MIGA1: variants seen among roughly 807,000 people sequenced by gnomAD.
MIGA1 encodes the protein mitoguardin 1, also known as family with sequence similarity 73, member A.
In MIGA1, 58 loss-of-function variants were observed where a neutral mutation model predicts 82.0. The ratio of observed to expected loss-of-function variants is 0.71; its 90% CI spans 0.57 to 0.88. The LOEUF is 0.88. MIGA1 is among the 40% of genes least tolerant of loss of function. MIGA1 has a pLI of 0.00. For missense variants in MIGA1, 751 were observed against 749.1 expected, an observed-to-expected ratio of 1.00 and a Z score of -0.03; for synonymous variants, 249 against 253.6, an observed-to-expected ratio of 0.98 and a Z score of 0.17.
At chr1:77,785,954 C>T (rs1338202885) in intron 2 of MIGA1, among the ~76,000 whole-genome samples, 2 of 152,230 alleles carry the variant, frequency 1.3e-5, no homozygotes, top group East Asian at 3.8e-4. Context: ...TCCATGTTTC[C>T]CTTCTGTACT....
intron 2 of MIGA1, among the ~76,000 whole-genome samples, chr1:77,787,807 ACTTTT>A (rs1239977230): frequency 1.3e-5 from 2 of 149,820 alleles, no homozygotes; most frequent in Non-Finnish European, 3.0e-5. Flanking sequence ...TCTGTGAATT[ACTTTT>A]CTTTTCTTTT....
chr1:77,813,845 C>G lies in MIGA1; in HGVS notation c.749C>G (p.Ala250Gly). ...TCCATTAAACTGGGTGCAGGAGATG[C>G]CATTGCTGAAGAAAATGTAGATGTA... Residue 250 changes from alanine (A) to glycine (G), a missense_variant, in exon 6 of 16, where the codon GCC becomes GGC. Transcript: ENST00000370791. 1 of 1,614,050 alleles carries G rather than the reference C, an allele frequency of 6.2e-7. No homozygotes were observed. Among genetic ancestry groups the G allele is most frequent in the Middle Eastern group, 1.6e-4 (1 of 6,062 alleles).
chr1:77,869,187 A>G (rs2101969132), intron 14 of MIGA1, among the ~76,000 whole-genome samples: 1 of 144,202 alleles, frequency 6.9e-6, no homozygotes, highest in East Asian at 2.0e-4. Flanking sequence ...AACAAAGCAC[A>G]TCTTGCACCG....
intron 8 of MIGA1, among the ~76,000 whole-genome samples, chr1:77,846,310 A>G (rs1046598727): frequency 2.6e-5 from 4 of 152,092 alleles, no homozygotes; most frequent in Non-Finnish European, 5.9e-5. Context: ...TGATGTTGGG[A>G]TACCTTCCCA....
chr1:77,823,121 G>A (rs529057177), intron 7 of MIGA1, among the ~76,000 whole-genome samples: 4 of 152,162 alleles, frequency 2.6e-5, no homozygotes, highest in African/African-American at 7.2e-5. Context: ...AATTACAGGC[G>A]TGAGCCACCA....
chr1:77,801,150 A>G, intron 2 of MIGA1, among the ~76,000 whole-genome samples, 181 bp from the exon 3 acceptor site: 1 of 152,236 alleles, frequency 6.6e-6, no homozygotes, highest in East Asian at 1.9e-4. Context: ...AATAAATTAC[A>G]ACATTTAAGA....
chr1:77,825,673 C>G (rs1684002641), intron 7 of MIGA1, among the ~76,000 whole-genome samples: 1 of 152,154 alleles, frequency 6.6e-6, no homozygotes, highest in Non-Finnish European at 1.5e-5. Flanking sequence ...GTTCTTCTAG[C>G]TAAAAGTATC....
rs868387518 is a variant in MIGA1 at position 77,877,219 on chromosome 1, G to A, written c.*2155G>A. ...TAAATAGAAGATGAAAAAAGTGGGC[G>A]GGAAAAGCATAATCTTTTAAGATTT... On this transcript the variant is annotated 3_prime_UTR_variant, in exon 16 of 16. Transcript: ENST00000370791. 4 of 152,050 alleles carry A rather than the reference G, an allele frequency of 2.6e-5. No individual in the cohort carries two copies. The highest frequency in any genetic ancestry group is 2.1e-4 in the South Asian group (1 of 4,826). The allele number at this position is 152,050 out of a possible 1,614,324, so 9.4% of individuals were successfully genotyped here. A position where few individuals can be genotyped will look rare whatever the true frequency, so the allele number is the denominator to read the frequency against.
At chr1:77,868,824 T>C (rs1685776134) in intron 14 of MIGA1, among the ~76,000 whole-genome samples, 1 of 152,132 alleles carries the variant, frequency 6.6e-6, no homozygotes, top group South Asian at 2.1e-4. Context: ...ATTTAACCCC[T>C]CTCCAATATC....
rs1646918207 is a variant in MIGA1, at chr1:77,879,316, G to A, written c.*4252G>A. On this transcript the variant is annotated 3_prime_UTR_variant, in exon 16 of 16. Coordinates refer to ENST00000370791, the MANE Select transcript of MIGA1 (RefSeq NM_198549.4). ...AACATCCCTACTTTGTTCCTAATGAGTATATTATGTTATTGTTTTGTTTAG... is the reference window on the plus strand; with the variant it reads ...AACATCCCTACTTTGTTCCTAATGAATATATTATGTTATTGTTTTGTTTAG... 1 of 152,060 alleles carries A rather than the reference G, an allele frequency of 6.6e-6. No individual in the cohort carries two copies. Among genetic ancestry groups the A allele is most frequent in the East Asian group, 1.9e-4 (1 of 5,206 alleles). 9.4% of individuals were successfully genotyped at this position (152,060 alleles called of 1,614,324 possible). A position where few individuals can be genotyped will look rare whatever the true frequency, so the allele number is the denominator to read the frequency against.
intron 12 of MIGA1, among the ~76,000 whole-genome samples, chr1:77,862,669 C>T (rs558617237): frequency 6.6e-6 from 1 of 151,222 alleles, no homozygotes; most frequent in East Asian, 2.0e-4. Context: ...GTCACACACA[C>T]ACACAAAAGG....
chr1:77,875,708 G>A lies in MIGA1; in HGVS notation c.*644G>A, dbSNP rs2101993078. ...TGTAATACATTGGGAGGCTGAGGCA[G>A]GAGGACAGTTTGAGGCCAGGAGGTT... On this transcript the variant is annotated 3_prime_UTR_variant, in exon 16 of 16. Coordinates refer to ENST00000370791, the MANE Select transcript of MIGA1 (RefSeq NM_198549.4). 1 of 152,360 alleles carries A rather than the reference G, an allele frequency of 6.6e-6. No homozygotes were observed. Among genetic ancestry groups the A allele is most frequent in the East Asian group, 1.9e-4 (1 of 5,176 alleles). The allele number at this position is 152,360 out of a possible 1,614,324, so 9.4% of individuals were successfully genotyped here. A position where few individuals can be genotyped will look rare whatever the true frequency, so the allele number is the denominator to read the frequency against.
intron 7 of MIGA1, among the ~76,000 whole-genome samples, chr1:77,829,626 G>A (rs1322483294): frequency 2.0e-5 from 3 of 150,808 alleles, no homozygotes; most frequent in Non-Finnish European, 4.4e-5. Flanking sequence ...CTGCCACCAC[G>A]CCCAGCTAAT....
In MIGA1 at chr1:77,803,372, G is replaced by A. The variant is rs758645243; in HGVS notation, c.476G>A (p.Ser159Asn). Residue 159 changes from serine (S) to asparagine (N), a missense_variant, in exon 4 of 16, where the codon AGT becomes AAT. Ser to Asn is a conservative substitution (Grantham distance 46). Coordinates refer to ENST00000370791, the MANE Select transcript of MIGA1 (RefSeq NM_198549.4). Reference sequence around the variant, plus strand: ...AACTATGCTAATGGAGGACTTTTCAGTAAATATTCAGGTTCTGCACAGAGT... The same window carrying A: ...AACTATGCTAATGGAGGACTTTTCAATAAATATTCAGGTTCTGCACAGAGT... 3.2e-6 allele frequency: 5 copies of A among 1,564,844 alleles called. No individual in the cohort carries two copies. In the East Asian group the frequency reaches 1.2e-4, roughly 36 times the overall value.
At chr1:77,850,009 T>C (rs1045431597) in intron 8 of MIGA1, among the ~76,000 whole-genome samples, 3 of 144,518 alleles carry the variant, frequency 2.1e-5, no homozygotes, top group African/African-American at 7.8e-5. Context: ...TACTCCAGCC[T>C]GGGCAACAGA....
chr1:77,798,793 A>G (rs1322125442), intron 2 of MIGA1, among the ~76,000 whole-genome samples: 1 of 152,220 alleles, frequency 6.6e-6, no homozygotes, highest in Non-Finnish European at 1.5e-5. Context: ...CTTTAATTAT[A>G]TCAGCAAAGA....
Position 77,859,295 on chromosome 1 carries a change from TC to T in MIGA1, c.1116-15del. The T allele has an allele frequency of 1.3e-6, 2 of 1,587,972 alleles. No individual in the cohort carries two copies. The highest frequency in any genetic ancestry group is 1.7e-6 in the Non-Finnish European group (2 of 1,156,626). Reference sequence around the variant, plus strand: ...TCTTGAATGTAGTTTAACAATTGTCTCCCCTGTTTATTACATAGAACTGAAA... The same window carrying T: ...TCTTGAATGTAGTTTAACAATTGTCTCCCTGTTTATTACATAGAACTGAAA... On this transcript the variant is annotated intron_variant, in intron 9 of 15. Transcript: ENST00000370791.
intron 7 of MIGA1, among the ~76,000 whole-genome samples, chr1:77,839,218 AAAT>A (rs34607167): frequency 9.3e-5 from 14 of 151,278 alleles, no homozygotes; most frequent in African/African-American, 1.2e-4. Flanking sequence ...TCCTCGACCA[AAAT>A]AATAATAATA....
At chr1:77,796,440 A>G (rs1410300401) in intron 2 of MIGA1, among the ~76,000 whole-genome samples, 1 of 148,572 alleles carries the variant, frequency 6.7e-6, no homozygotes, top group Non-Finnish European at 1.5e-5. Context: ...TTTTTTTTTA[A>G]GAGATGGAGT....
Sources: allele counts gnomAD v4.1 joint callset (sites outside exome capture counted in the v4.1 genomes callset), GRCh38; gene constraint gnomAD v4.1.1; transcripts MANE v1.5; gene names NCBI Gene and HGNC (gene_info 2026-07-23, HGNC 2026-07-21).